PLEKHH2: variants seen among roughly 807,000 people sequenced by gnomAD.
PLEKHH2 encodes pleckstrin homology, MyTH4 and FERM domain containing H2.
In PLEKHH2, 129 loss-of-function variants were observed where a neutral mutation model predicts 187.9. That is an observed-to-expected ratio of 0.69 (90% CI 0.59 to 0.79). The LOEUF (loss-of-function observed/expected upper bound fraction) is 0.79. Ranked by LOEUF, PLEKHH2 falls within the 30% of genes least tolerant of loss-of-function variation. The probability of loss-of-function intolerance (pLI) is 0.00; values close to 1 mark genes in which losing one functional copy is unlikely to be tolerated. For missense variants in PLEKHH2, 2,076 were observed against 1,751.2 expected (o/e 1.19, Z -3.31); for synonymous variants, 686 against 605.6 (o/e 1.13, Z -1.95).
At chr2:43,678,322 G>A (rs1386323198) in intron 2 of PLEKHH2, among the ~76,000 whole-genome samples, 1 of 152,216 alleles carries the variant, frequency 6.6e-6, no homozygotes. Flanking sequence ...GCCGGGCAGA[G>A]GCTGCAATCT....
At position 43,681,466 on chromosome 2, in the gene PLEKHH2, C is replaced by G. The variant is rs1051187433; in HGVS notation, c.186+2541C>G. 30 of 1,545,736 alleles carry G rather than the reference C, an allele frequency of 1.9e-5. No individual in the cohort carries two copies. In the African/African-American group the frequency reaches 3.8e-4, roughly 20 times the overall value. Reference sequence around the variant, plus strand: ...AAATAATCTTCTTCCTCTTCCTCTCCTTTTCCATCATCTTCTCTTTCCTGG... The same window carrying G: ...AAATAATCTTCTTCCTCTTCCTCTCGTTTTCCATCATCTTCTCTTTCCTGG... On this transcript the variant is annotated intron_variant, in intron 3 of 29. Transcript: ENST00000282406.
At chr2:43,744,867 CAAAA>C (rs774106764) in intron 23 of PLEKHH2, among the ~76,000 whole-genome samples, 3 of 82,762 alleles carry the variant, frequency 3.6e-5, no homozygotes, top group African/African-American at 8.5e-5. Flanking sequence ...GACTGTCTCA[CAAAA>C]AAAAAAAAAA....
chr2:43,688,342 G>A (rs1175881347), intron 3 of PLEKHH2, among the ~76,000 whole-genome samples: 1 of 152,168 alleles, frequency 6.6e-6, no homozygotes, highest in Non-Finnish European at 1.5e-5. Context: ...AAAGTAGTCT[G>A]GGATTTAAAA....
At chr2:43,694,241 T>C (rs1668980448) in intron 4 of PLEKHH2, among the ~76,000 whole-genome samples, 190 bp from the exon 5 acceptor site, 1 of 152,224 alleles carries the variant, frequency 6.6e-6, no homozygotes, top group South Asian at 2.1e-4. Context: ...AATACATGCA[T>C]GTGGCTTTGT....
chr2:43,720,523 T>C, intron 15 of PLEKHH2, 146 bp from the exon 16 acceptor site: 1 of 1,303,914 alleles, frequency 7.7e-7, no homozygotes, highest in South Asian at 1.4e-5. Context: ...AGGTACATCT[T>C]AAACAGCACT....
At chr2:43,750,898 G>A (rs961378459) in intron 24 of PLEKHH2, among the ~76,000 whole-genome samples, 4 of 152,172 alleles carry the variant, frequency 2.6e-5, no homozygotes, top group African/African-American at 9.7e-5. Context: ...TTTATAGGGA[G>A]AGGCAGACAT....
intron 29 of PLEKHH2, among the ~76,000 whole-genome samples, chr2:43,764,608 C>G (rs1217407754): frequency 1.3e-5 from 2 of 152,144 alleles, no homozygotes; most frequent in Non-Finnish European, 2.9e-5. Flanking sequence ...CTTCTTTTGG[C>G]TTAAAAATTA....
intron 3 of PLEKHH2, among the ~76,000 whole-genome samples, chr2:43,688,681 G>T (rs1668644598): frequency 6.6e-6 from 1 of 152,144 alleles, no homozygotes; most frequent in South Asian, 2.1e-4. Flanking sequence ...TTTTGCTCAT[G>T]GTCACCGTTT....
At chr2:43,710,828 A>G in intron 14 of PLEKHH2, 1 of 1,251,020 alleles carries the variant, frequency 8.0e-7, no homozygotes, top group Non-Finnish European at 1.0e-6. Context: ...CCTCATATTT[A>G]ATCTCCTAGG....
chr2:43,759,041 T>TGG lies in PLEKHH2; in HGVS notation c.4071+14_4071+15dup. 1 of 1,609,410 alleles carries TGG rather than the reference T, an allele frequency of 6.2e-7. No individual in the cohort carries two copies. Among genetic ancestry groups the TGG allele is most frequent in the Non-Finnish European group, 8.5e-7 (1 of 1,176,304 alleles). ...TGTTTCTTGCAAAAGTAAGAAAGAA[T>TGG]GGGAGAGAGATGCATAATGAAAACC... On this transcript the variant is annotated intron_variant, in intron 27 of 29. Transcript: ENST00000282406.
chr2:43,674,347 T>C (rs78382051), intron 2 of PLEKHH2, among the ~76,000 whole-genome samples: 2,183 of 152,220 alleles, frequency 0.014, 22 homozygotes, highest in Non-Finnish European at 0.02. Flanking sequence ...TCCCTGAAAA[T>C]AGAATATAGT....
In PLEKHH2 at chr2:43,644,683, C is replaced by G; in HGVS notation, c.10C>G (p.Leu4Val). The G allele has an allele frequency of 1.9e-6, 3 of 1,586,962 alleles. No individual in the cohort carries two copies. The highest frequency in any genetic ancestry group is 2.6e-6 in the Non-Finnish European group (3 of 1,166,228). MAE[L>V]SEPEGPVDWK... ...TTAATTTTTTTAGAATATGGCAGAG[C>G]TTTCTGAGCCAGAGGGACCAGTAGA... The change falls in exon 2 of 30, where the codon CTT becomes GTT. Residue 4 changes from leucine to valine, a missense_variant. Transcript: ENST00000282406.
rs1246144096 is a variant in PLEKHH2 at position 43,680,758 on chromosome 2, G to C, written c.186+1833G>C. ...TTCAGAAGGACCTCTATATGTGGCA[G>C]CCGTACAAAGTTTGTCATTCCAAGT... is the stretch of plus-strand genomic sequence containing the variant. On this transcript the variant is annotated intron_variant, in intron 3 of 29. Transcript: ENST00000282406. 3 of 389,438 alleles carry C rather than the reference G, an allele frequency of 7.7e-6. No homozygotes were observed. The East Asian group carries it at 2.0e-4, about 26-fold the overall frequency. 24.1% of individuals were successfully genotyped at this position (389,438 alleles called of 1,614,324 possible).
At chr2:43,694,968 A>T (rs1238299946) in intron 5 of PLEKHH2, among the ~76,000 whole-genome samples, 175 bp from the exon 6 acceptor site, 3 of 152,172 alleles carry the variant, frequency 2.0e-5, no homozygotes, top group African/African-American at 7.2e-5. Flanking sequence ...TACCATAATT[A>T]TCTAGGTCGA....
intron 11 of PLEKHH2, among the ~76,000 whole-genome samples, chr2:43,707,861 T>A (rs1201856313): frequency 6.6e-6 from 1 of 152,202 alleles, no homozygotes; most frequent in Admixed American, 6.5e-5. Flanking sequence ...AATAGACTTA[T>A]TTCAGCTAAA....
chr2:43,676,170 G>C (rs777861497), intron 2 of PLEKHH2: 1 of 1,614,014 alleles, frequency 6.2e-7, no homozygotes, highest in Non-Finnish European at 8.5e-7. Context: ...TTAAGAAATC[G>C]TTCCTGTTAG....
chr2:43,697,102 G>T, intron 6 of PLEKHH2, 69 bp from the exon 7 acceptor site: 1 of 1,304,592 alleles, frequency 7.7e-7, no homozygotes, highest in South Asian at 1.8e-5. Flanking sequence ...GTTTTTATAT[G>T]CCTTGGTTCT....
intron 8 of PLEKHH2, among the ~76,000 whole-genome samples, chr2:43,703,298 C>T (rs777918747): frequency 6.6e-6 from 1 of 152,166 alleles, no homozygotes; most frequent in Non-Finnish European, 1.5e-5. Context: ...GTAACCTGTC[C>T]AGTACCTGTT....
At position 43,729,658 on chromosome 2, in the gene PLEKHH2, A is replaced by G. The variant is rs910595389; in HGVS notation, c.2743A>G (p.Thr915Ala). ...TAAGGACACTTGGCTTTATCATCTG[A>G]CTGTTGCAGCTGGAAGCAACAATGT... The part of the protein sequence containing the change: ...HEKDTWLYHL[T>A]VAAGSNNVNV... The change falls in exon 18 of 30, where the codon ACT becomes GCT. Residue 915 changes from threonine (T) to alanine (A), a missense_variant. Coordinates refer to ENST00000282406, the MANE Select transcript of PLEKHH2 (RefSeq NM_172069.4). 11 of 1,603,650 alleles carry G rather than the reference A, an allele frequency of 6.9e-6. No homozygotes were observed. Among genetic ancestry groups the G allele is most frequent in the African/African-American group, 1.3e-5 (1 of 74,396 alleles).
Sources: allele counts gnomAD v4.1 joint callset (sites outside exome capture counted in the v4.1 genomes callset), GRCh38; gene constraint gnomAD v4.1.1; transcripts MANE v1.5; gene names NCBI Gene and HGNC (gene_info 2026-07-23, HGNC 2026-07-21).